The following SPAG9 variants were observed in gnomAD, a reference collection of about 807,000 sequenced individuals.
The protein encoded by SPAG9 is sperm associated antigen 9.
SPAG9 carries 35 observed loss-of-function variants against 166.5 expected under a neutral mutation model. The ratio of observed to expected loss-of-function variants is 0.21; its 90% CI spans 0.16 to 0.28. SPAG9 has a LOEUF of 0.28. SPAG9 is among the 10% of genes least tolerant of loss of function. SPAG9 has a pLI of 1.00. For missense variants in SPAG9, 1,235 were observed against 1,603.3 expected (o/e 0.77, Z 3.92); for synonymous variants, 534 against 565.5 (o/e 0.94, Z 0.79).
intron 15 of SPAG9, among the ~76,000 whole-genome samples, chr17:50,997,971 A>C (rs1180756940): frequency 1.3e-5 from 2 of 152,006 alleles, no homozygotes; most frequent in Non-Finnish European, 2.9e-5. Context: ...ATTTTCATAA[A>C]AACTTTTGAC....
intron 1 of SPAG9, among the ~76,000 whole-genome samples, chr17:51,102,478 T>C (rs1288630757): frequency 2.6e-5 from 4 of 151,816 alleles, no homozygotes; most frequent in African/African-American, 9.7e-5. Flanking sequence ...AAAATTAAGT[T>C]TTGGCACTTA....
rs948934017 is a variant in SPAG9, at chr17:50,965,882, T to C, written c.*390A>G. Reference sequence around the variant, plus strand: ...AAAACTCAGCTATTGTATTTAACGGTACAGTTTCATTTATCAAGTGTTTCC... The same window carrying C: ...AAAACTCAGCTATTGTATTTAACGGCACAGTTTCATTTATCAAGTGTTTCC... On this transcript the variant is annotated 3_prime_UTR_variant, in exon 30 of 30. Transcript: ENST00000262013. 1.1e-5 allele frequency: 2 copies of C among 186,788 alleles called. No individual in the cohort carries two copies. Among genetic ancestry groups the C allele is most frequent in the Non-Finnish European group, 2.3e-5 (2 of 86,502 alleles). The allele number at this position is 186,788 out of a possible 1,614,324, so 11.6% of individuals were successfully genotyped here. A position where few individuals can be genotyped will look rare whatever the true frequency, so the allele number is the denominator to read the frequency against.
At chr17:51,060,847 G>GT (rs574495716) in intron 2 of SPAG9, among the ~76,000 whole-genome samples, 6,987 of 135,658 alleles carry the variant, frequency 0.052, 467 homozygotes, top group African/African-American at 0.16. Context: ...GGTTTTTTTT[G>GT]TTTTTTTTTT....
Position 51,075,644 on chromosome 17 carries a change from C to G in SPAG9, c.424+3940G>C, listed in dbSNP as rs149190831. Among the ~76,000 whole-genome samples, 199 of 152,156 alleles carry G rather than the reference C, an allele frequency of 1.3e-3. 1 individual carries two copies. Among genetic ancestry groups the G allele is most frequent in the African/African-American group, 4.6e-3 (190 of 41,528 alleles). On this transcript the variant is annotated intron_variant, in intron 2 of 29. Coordinates refer to ENST00000262013, the MANE Select transcript of SPAG9 (RefSeq NM_001130528.3). ...TTCGAGACCAGCTTGAACAACATAACAAGACCCCATCTCTACAAAAAGTTT... is the reference window on the plus strand; with the variant it reads ...TTCGAGACCAGCTTGAACAACATAAGAAGACCCCATCTCTACAAAAAGTTT...
At chr17:50,976,903 A>G in intron 27 of SPAG9, 1 of 429,826 alleles carries the variant, frequency 2.3e-6, no homozygotes, top group South Asian at 3.3e-5. Flanking sequence ...TGTTTTGACA[A>G]CGAAAAACTT....
At chr17:51,052,807 C>T (rs1023885272) in intron 3 of SPAG9, among the ~76,000 whole-genome samples, 3 of 151,942 alleles carry the variant, frequency 2.0e-5, no homozygotes, top group Admixed American at 1.3e-4. Context: ...GCCTGTAATC[C>T]CAGCTCTTTG....
chr17:51,047,696 G>GAAAA, intron 3 of SPAG9, among the ~76,000 whole-genome samples: 1 of 147,590 alleles, frequency 6.8e-6, no homozygotes, highest in Non-Finnish European at 1.5e-5. Context: ...ATCTTGCTTA[G>GAAAA]GATGGCAAAA....
At chr17:51,068,562 T>C (rs1185592962) in intron 2 of SPAG9, among the ~76,000 whole-genome samples, 1 of 152,202 alleles carries the variant, frequency 6.6e-6, no homozygotes, top group Non-Finnish European at 1.5e-5. Flanking sequence ...GCTTAACCTC[T>C]GCACATATTC....
intron 9 of SPAG9, among the ~76,000 whole-genome samples, chr17:51,012,565 G>T (rs1450851579): frequency 1.3e-5 from 2 of 149,544 alleles, no homozygotes; most frequent in Non-Finnish European, 3.0e-5. Context: ...GTGAGACTAT[G>T]TCTCAAAAAA....
rs971973124 is a variant in SPAG9 at position 51,007,384 on chromosome 17, T to C, written c.1214-58A>G. On this transcript the variant is annotated intron_variant, in intron 9 of 29. Transcript: ENST00000262013. The stretch of plus-strand genomic sequence containing the variant: ...ATAAATGCATCAATAATTATATACA[T>C]TTAAAATATAAGCTATAGTCACAAG... 2.5e-5 allele frequency: 22 copies of C among 894,004 alleles called. No homozygotes were observed. The African/African-American group carries it at 3.4e-4, about 14-fold the overall frequency. The allele number at this position is 894,004 out of a possible 1,614,324, so 55.4% of individuals were successfully genotyped here. A position where few individuals can be genotyped will look rare whatever the true frequency, so the allele number is the denominator to read the frequency against.
intron 6 of SPAG9, among the ~76,000 whole-genome samples, chr17:51,029,769 G>T (rs2046319992): frequency 6.6e-6 from 1 of 152,142 alleles, no homozygotes; most frequent in Non-Finnish European, 1.5e-5. Flanking sequence ...TACAGTAGTT[G>T]GAAAGGAAGT....
intron 26 of SPAG9, 23 bp from the exon 27 acceptor site, chr17:50,977,244 G>A (rs769771781): frequency 1.3e-5 from 19 of 1,422,308 alleles, no homozygotes; most frequent in Admixed American, 8.5e-5. Flanking sequence ...GAGGGAACAC[G>A]TTATTGAGAA....
intron 24 of SPAG9, among the ~76,000 whole-genome samples, chr17:50,983,416 T>G (rs1333447052): frequency 6.6e-6 from 1 of 152,244 alleles, no homozygotes; most frequent in Admixed American, 6.5e-5. Flanking sequence ...TTACAGACCC[T>G]TCATCCTAAC....
chr17:51,042,977 G>A (rs2046895832), intron 4 of SPAG9, among the ~76,000 whole-genome samples: 1 of 152,080 alleles, frequency 6.6e-6, no homozygotes, highest in Non-Finnish European at 1.5e-5. Flanking sequence ...TGCAAGCTCT[G>A]CCTCCCAGGT....
At chr17:51,004,740 A>G (rs1222484176) in intron 12 of SPAG9, among the ~76,000 whole-genome samples, 3 of 152,128 alleles carry the variant, frequency 2.0e-5, no homozygotes, top group African/African-American at 7.2e-5. Flanking sequence ...AAAAAAAAAG[A>G]CTAGGGGTAT....
At chr17:50,996,730 A>G in intron 15 of SPAG9, 36 bp from the exon 16 acceptor site, 1 of 1,598,242 alleles carries the variant, frequency 6.3e-7, no homozygotes, top group South Asian at 1.1e-5. Context: ...TTACATGAAT[A>G]CGTTTAATTA....
At chr17:51,105,482 C>T (rs918670265) in intron 1 of SPAG9, among the ~76,000 whole-genome samples, 2 of 152,172 alleles carry the variant, frequency 1.3e-5, no homozygotes, top group African/African-American at 4.8e-5. Context: ...AGTTTCAGAT[C>T]TAAATAATTA....
intron 1 of SPAG9, among the ~76,000 whole-genome samples, chr17:51,107,334 G>A (rs1340806891): frequency 1.3e-5 from 2 of 151,952 alleles, no homozygotes; most frequent in African/African-American, 2.4e-5. Context: ...GATCATTTGA[G>A]GCCAGGAGTT....
At chr17:51,114,505 C>T (rs2049224558) in intron 1 of SPAG9, among the ~76,000 whole-genome samples, 1 of 151,964 alleles carries the variant, frequency 6.6e-6, no homozygotes, top group Admixed American at 6.6e-5. Flanking sequence ...TGGCTCATGC[C>T]TATAATCCCA....
Sources: allele counts gnomAD v4.1 joint callset (sites outside exome capture counted in the v4.1 genomes callset), GRCh38; gene constraint gnomAD v4.1.1; transcripts MANE v1.5; gene names NCBI Gene and HGNC (gene_info 2026-07-23, HGNC 2026-07-21).